RBFOX2: variants seen among roughly 807,000 people sequenced by gnomAD.
RBFOX2 encodes RNA binding protein fox-1 homolog 2.
In RBFOX2, 10 loss-of-function variants were observed where a neutral mutation model predicts 49.1. That is an observed-to-expected ratio of 0.20 (90% CI 0.13 to 0.35). RBFOX2 has a LOEUF of 0.35. Among genes scored for constraint, RBFOX2 ranks in the 10% least tolerant of loss-of-function variants. The pLI, the probability that RBFOX2 is intolerant of heterozygous loss-of-function variation, is 1.00. For synonymous variants in RBFOX2, 183 were observed against 187.4 expected, an observed-to-expected ratio of 0.98 and a Z score of 0.19; for missense variants, 323 against 486.9, an observed-to-expected ratio of 0.66 and a Z score of 3.17.
At chr22:35,836,604 T>C (rs1304496593) in intron 1 of RBFOX2, among the ~76,000 whole-genome samples, 2 of 152,228 alleles carry the variant, frequency 1.3e-5, no homozygotes, top group Non-Finnish European at 2.9e-5. Context: ...TTGGTCCTGA[T>C]GGAAAACAGA....
At chr22:35,816,037 A>C (rs1358284617) in intron 1 of RBFOX2, among the ~76,000 whole-genome samples, 2 of 152,324 alleles carry the variant, frequency 1.3e-5, no homozygotes, top group Non-Finnish European at 1.5e-5. Flanking sequence ...ATAAGAAGAC[A>C]ACACTGGATT....
chr22:35,965,229 A>C (rs1167017307), upstream of RBFOX2, among the ~76,000 whole-genome samples: 1 of 152,224 alleles, frequency 6.6e-6, no homozygotes, highest in Non-Finnish European at 1.5e-5. Context: ...AGGGATGGTC[A>C]TAAGACAACA....
At chr22:35,898,139 A>G in intron 1 of RBFOX2, 1 of 744,850 alleles carries the variant, frequency 1.3e-6, no homozygotes, top group Non-Finnish European at 2.5e-6. Flanking sequence ...ATGATGTCAC[A>G]TGTATCACAC....
intron 1 of RBFOX2, among the ~76,000 whole-genome samples, chr22:35,959,746 T>C (rs992478875): frequency 3.9e-5 from 6 of 152,214 alleles, no homozygotes; most frequent in Non-Finnish European, 8.8e-5. Flanking sequence ...TTTCCCTCCT[T>C]GATTCAGTAG....
chr22:35,893,327 T>C (rs1373204022), intron 1 of RBFOX2, among the ~76,000 whole-genome samples: 2 of 151,890 alleles, frequency 1.3e-5, no homozygotes, highest in Non-Finnish European at 2.9e-5. Flanking sequence ...AAAAAAAAAA[T>C]TGAGATAAAT....
intron 1 of RBFOX2, among the ~76,000 whole-genome samples, chr22:35,934,116 G>A (rs2062250579): frequency 6.6e-6 from 1 of 151,128 alleles, no homozygotes; most frequent in Non-Finnish European, 1.5e-5. Flanking sequence ...AATCTAGATA[G>A]ACAGTTTCAC....
chr22:35,990,572 C>T (rs1259460105), intron 1 of RBFOX2, among the ~76,000 whole-genome samples: 2 of 152,136 alleles, frequency 1.3e-5, no homozygotes, highest in East Asian at 3.9e-4. Context: ...TCTAAATTGA[C>T]TAACCCCAAA....
chr22:35,973,952 G>C (rs959631625), intron 1 of RBFOX2, among the ~76,000 whole-genome samples: 3 of 152,184 alleles, frequency 2.0e-5, no homozygotes, highest in Non-Finnish European at 2.9e-5. Flanking sequence ...CATTCGGAGA[G>C]AAATTAAGAC....
chr22:35,853,132 A>G (rs1186618594), intron 1 of RBFOX2, among the ~76,000 whole-genome samples: 1 of 151,874 alleles, frequency 6.6e-6, no homozygotes, highest in Non-Finnish European at 1.5e-5. Context: ...CATCTCTACT[A>G]AAAATACAAA....
At chr22:35,812,312 T>C (rs1952056094) in intron 1 of RBFOX2, among the ~76,000 whole-genome samples, 1 of 151,550 alleles carries the variant, frequency 6.6e-6, no homozygotes, top group South Asian at 2.1e-4. Flanking sequence ...TCTTAGAAAA[T>C]ATGTTATGAA....
chr22:35,938,771 C>A, intron 1 of RBFOX2, 76 bp downstream of exon 2: 1 of 1,375,018 alleles, frequency 7.3e-7, no homozygotes, highest in Non-Finnish European at 1.0e-6. Flanking sequence ...TCAGGAAATG[C>A]TCTCTATCAT....
chr22:36,008,951 T>G (rs965446727), intron 1 of RBFOX2, among the ~76,000 whole-genome samples: 1 of 152,060 alleles, frequency 6.6e-6, no homozygotes, highest in African/African-American at 2.4e-5. Flanking sequence ...GAAGGAAGAT[T>G]CCTTCTCTGA....
exon 1 of RBFOX2, chr22:35,840,218 TA>T: frequency 1.2e-6 from 2 of 1,614,188 alleles, no homozygotes; most frequent in Non-Finnish European, 8.5e-7. Flanking sequence ...TTTTTCTCCA[TA>T]AACCAAACGG....
At chr22:35,847,444 G>C (rs566882640) in intron 1 of RBFOX2, among the ~76,000 whole-genome samples, 3 of 152,242 alleles carry the variant, frequency 2.0e-5, no homozygotes, top group African/African-American at 7.2e-5. Context: ...GCATTAGTAT[G>C]AAACTGCAAG....
At chr22:35,808,447 G>C (rs1325186263) in intron 2 of RBFOX2, among the ~76,000 whole-genome samples, 2 of 152,160 alleles carry the variant, frequency 1.3e-5, no homozygotes, top group Non-Finnish European at 2.9e-5. Flanking sequence ...CTTAAAGGCT[G>C]AGTAAAGCTC....
intron 1 of RBFOX2, chr22:35,997,894 T>A (rs1283152869): frequency 6.6e-6 from 1 of 152,200 alleles, no homozygotes; most frequent in African/African-American, 2.4e-5. Context: ...CCCAGCCACT[T>A]AGGAGGCTTA....
At chr22:35,780,341 T>G (rs556482296) in intron 3 of RBFOX2, among the ~76,000 whole-genome samples, 54 of 149,806 alleles carry the variant, frequency 3.6e-4, no homozygotes, top group African/African-American at 1.2e-3. Flanking sequence ...GCTATCCTAG[T>G]GGAATTTAAA....
intron 1 of RBFOX2, among the ~76,000 whole-genome samples, chr22:35,954,971 A>C (rs2055382667): frequency 6.6e-6 from 1 of 152,190 alleles, no homozygotes; most frequent in Non-Finnish European, 1.5e-5. Flanking sequence ...ACAAATAGCT[A>C]ATTTCCAGAT....
At chr22:35,869,075 C>G (rs1259585560) in intron 1 of RBFOX2, among the ~76,000 whole-genome samples, 1 of 152,172 alleles carries the variant, frequency 6.6e-6, no homozygotes, top group Non-Finnish European at 1.5e-5. Context: ...AGATCCAATT[C>G]CTAGGCTACC....
Sources: allele counts gnomAD v4.1 joint callset (sites outside exome capture counted in the v4.1 genomes callset), GRCh38; gene constraint gnomAD v4.1.1; transcripts MANE v1.5; gene names NCBI Gene and HGNC (gene_info 2026-07-23, HGNC 2026-07-21).